CELF2: variants seen among roughly 807,000 people sequenced by gnomAD.
CELF2 encodes the protein CUGBP Elav-like family member 2.
CELF2 carries 8 observed loss-of-function variants against 62.6 expected under a neutral mutation model. That is an observed-to-expected ratio of 0.13 (90% CI 0.07 to 0.23). The LOEUF (loss-of-function observed/expected upper bound fraction) is 0.23. Among genes scored for constraint, CELF2 ranks in the 10% least tolerant of loss-of-function variants. The pLI, the probability that CELF2 is intolerant of heterozygous loss-of-function variation, is 1.00. For synonymous variants in CELF2, 258 were observed against 250.0 expected, an observed-to-expected ratio of 1.03 and a Z score of -0.30; for missense variants, 333 against 671.0, an observed-to-expected ratio of 0.50 and a Z score of 5.56.
the CELF2 span, among the ~76,000 whole-genome samples, chr10:10,664,665 A>AG: frequency 6.6e-6 from 1 of 152,220 alleles, no homozygotes; most frequent in East Asian, 1.9e-4. Context: ...CAAGCTGGGT[A>AG]GAAAACCATT....
chr10:10,657,008 A>C, the CELF2 span, among the ~76,000 whole-genome samples: 23 of 152,302 alleles, frequency 1.5e-4, no homozygotes, highest in African/African-American at 5.1e-4. Flanking sequence ...CAACAAGTGG[A>C]AACCATTCAA....
At chr10:11,320,079 C>G (rs773098438) in intron 10 of CELF2, among the ~76,000 whole-genome samples, 5 of 152,190 alleles carry the variant, frequency 3.3e-5, no homozygotes, top group Non-Finnish European at 7.3e-5. Flanking sequence ...ATAAGCTCTT[C>G]TCAGAAACAT....
At chr10:10,520,619 G>T in the CELF2 span, among the ~76,000 whole-genome samples, 1 of 152,100 alleles carries the variant, frequency 6.6e-6, no homozygotes, top group Non-Finnish European at 1.5e-5. Flanking sequence ...AATAGGGCAG[G>T]CGTAATAGGG....
the CELF2 span, among the ~76,000 whole-genome samples, chr10:10,556,032 A>G: frequency 8.5e-5 from 13 of 152,178 alleles, no homozygotes; most frequent in East Asian, 2.5e-3. Context: ...TCCACATTTT[A>G]AAATTTTTTT....
At position 11,334,930 on chromosome 10, in the gene CELF2, A is replaced by ATTATTTATTTCTACAAGCTAAT. The variant is rs1566067578; in HGVS notation, c.*5879_*5900dup. ...AGATATGTATAGAAAAGTCATTTAA[A>ATTATTTATTTCTACAAGCTAAT]TTATTTATTTCTACAAGCTAATTGA... On this transcript the variant is annotated 3_prime_UTR_variant, in exon 13 of 13. Coordinates refer to ENST00000633077, the MANE Select transcript of CELF2 (RefSeq NM_001326342.2). 3 of 152,254 alleles carry ATTATTTATTTCTACAAGCTAAT rather than the reference A, an allele frequency of 2.0e-5. No individual in the cohort carries two copies. The highest frequency in any genetic ancestry group is 4.4e-5 in the Non-Finnish European group (3 of 68,046). The allele number at this position is 152,254 out of a possible 1,614,324, so 9.4% of individuals were successfully genotyped here. A position where few individuals can be genotyped will look rare whatever the true frequency, so the allele number is the denominator to read the frequency against.
At chr10:10,757,771 A>G in the CELF2 span, among the ~76,000 whole-genome samples, 1 of 152,216 alleles carries the variant, frequency 6.6e-6, no homozygotes, top group Non-Finnish European at 1.5e-5. Context: ...TTTCTTTAGC[A>G]ATGTGGAGAG....
the CELF2 span, among the ~76,000 whole-genome samples, chr10:10,787,149 T>C: frequency 1.3e-5 from 2 of 151,974 alleles, no homozygotes; most frequent in African/African-American, 2.4e-5. Context: ...GACATATTCA[T>C]TGAAACATTG....
At position 11,022,259 on chromosome 10, in the gene CELF2, T is replaced by C. The variant is rs572814373; in HGVS notation, c.74+4096T>C. On this transcript the variant is annotated intron_variant, in intron 1 of 12. Transcript: ENST00000633077. ...GTTAACAGCACATGTTATCAGCTGC[T>C]TTCCGAGAGGAAGAATTCATCCCAC... is the stretch of plus-strand genomic sequence containing the variant. 3.3e-5 allele frequency among the ~76,000 whole-genome samples: 5 copies of C among 152,358 alleles called. No individual in the cohort carries two copies. In the East Asian group the frequency reaches 7.7e-4, roughly 23 times the overall value.
intron 8 of CELF2, among the ~76,000 whole-genome samples, chr10:11,281,947 G>T (rs1290113898): frequency 6.6e-6 from 1 of 152,178 alleles, no homozygotes; most frequent in Admixed American, 6.5e-5. Context: ...CTGGGGCAGG[G>T]AGCGGCACTT....
At chr10:10,814,440 A>C (rs1250642317) in intron 1 of CELF2, among the ~76,000 whole-genome samples, 2 of 152,092 alleles carry the variant, frequency 1.3e-5, no homozygotes, top group East Asian at 3.9e-4. Context: ...TTTTTAAACA[A>C]AAATAAAGTT....
the CELF2 span, among the ~76,000 whole-genome samples, chr10:10,700,566 T>A: frequency 4.5e-4 from 68 of 152,314 alleles, no homozygotes; most frequent in African/African-American, 1.5e-3. Flanking sequence ...CACCAGAGAC[T>A]GAGCGCTGGG....
At chr10:10,522,900 G>A in the CELF2 span, among the ~76,000 whole-genome samples, 2 of 152,156 alleles carry the variant, frequency 1.3e-5, no homozygotes, top group African/African-American at 4.8e-5. Flanking sequence ...CATATGTAAT[G>A]TGCTTCATCT....
chr10:11,229,519 G>T (rs755360123), intron 3 of CELF2, among the ~76,000 whole-genome samples: 1 of 152,068 alleles, frequency 6.6e-6, no homozygotes, highest in Non-Finnish European at 1.5e-5. Flanking sequence ...AGAATCCCTC[G>T]GGAGCTTTTA....
chr10:10,487,262 G>T, the CELF2 span, among the ~76,000 whole-genome samples: 2 of 152,178 alleles, frequency 1.3e-5, no homozygotes, highest in Non-Finnish European at 2.9e-5. Flanking sequence ...TAGCACAGTT[G>T]TAAAATTTAA....
At chr10:10,910,807 T>C (rs1442387796) in intron 1 of CELF2, among the ~76,000 whole-genome samples, 2 of 152,146 alleles carry the variant, frequency 1.3e-5, no homozygotes, top group Non-Finnish European at 2.9e-5. Context: ...TGCTTTTCAG[T>C]TCTGGGAGTA....
chr10:11,189,271 CTT>C, intron 2 of CELF2, among the ~76,000 whole-genome samples: 1 of 152,272 alleles, frequency 6.6e-6, no homozygotes, highest in Middle Eastern at 3.4e-3. Context: ...CTGCAGATCT[CTT>C]TGACTCCTGT....
chr10:11,232,250 C>G (rs1254299454), intron 3 of CELF2, among the ~76,000 whole-genome samples: 1 of 151,968 alleles, frequency 6.6e-6, no homozygotes, highest in African/African-American at 2.4e-5. Context: ...TTCTCACATT[C>G]CTGTACTCAT....
chr10:10,995,824 A>G lies in CELF2; in HGVS notation c.89+75825A>G, dbSNP rs2053890614. ...GGAAGTGGTTGGGAAAGTGTTGTTC[A>G]ACAGATTCTCGTCTCTCTGACAATG... On this transcript the variant is annotated intron_variant, in intron 2 of 13. Coordinates refer to the CELF2 transcript ENST00000636488. The surrounding 1 kb of genome is among the most constrained non-coding windows in gnomAD (Gnocchi z 4.7). Among the ~76,000 whole-genome samples the G allele has an allele frequency of 6.6e-6, 1 of 152,200 alleles. No individual in the cohort carries two copies. The highest frequency in any genetic ancestry group is 6.5e-5 in the Admixed American group (1 of 15,284).
In CELF2 at chr10:11,306,836, C is replaced by T. The variant is rs2094251733; in HGVS notation, c.977-7303C>T. On this transcript the variant is annotated intron_variant, in intron 9 of 12. Coordinates refer to ENST00000633077, the MANE Select transcript of CELF2 (RefSeq NM_001326342.2). The surrounding 1 kb of genome is among the most constrained non-coding windows in gnomAD (Gnocchi z 4.4). ...GAAATTATGTCCAGTTCACTATAGC[C>T]AGCCTCCCAGTTTTTAAATAGGAAG... Among the ~76,000 whole-genome samples the T allele has an allele frequency of 6.6e-6, 1 of 152,154 alleles. No homozygotes were observed. Among genetic ancestry groups the T allele is most frequent in the African/African-American group, 2.4e-5 (1 of 41,430 alleles).
Sources: allele counts gnomAD v4.1 joint callset (sites outside exome capture counted in the v4.1 genomes callset), GRCh38; gene constraint gnomAD v4.1.1; non-coding constraint Gnocchi (gnomAD v3.1); transcripts MANE v1.5; gene names NCBI Gene and HGNC (gene_info 2026-07-23, HGNC 2026-07-21).